SPSB4: variants seen among roughly 807,000 people sequenced by gnomAD.
SPSB4 encodes the protein SPRY domain-containing SOCS box protein 4.
Under a neutral mutation model 20.9 loss-of-function variants are expected in SPSB4, and 21 were observed. That is an observed-to-expected ratio of 1.01 (90% CI 0.71 to 1.45). The LOEUF is 1.45. Among genes scored for constraint, SPSB4 ranks in the 40% most tolerant of loss-of-function variants. SPSB4 has a pLI of 0.00. For synonymous variants in SPSB4, 207 were observed against 183.8 expected, an observed-to-expected ratio of 1.13 and a Z score of -1.02; for missense variants, 399 against 399.2, an observed-to-expected ratio of 1.00 and a Z score of 0.00.
At chr3:141,055,685 T>C (rs979506591) in intron 1 of SPSB4, among the ~76,000 whole-genome samples, 1 of 152,098 alleles carries the variant, frequency 6.6e-6, no homozygotes, top group African/African-American at 2.4e-5. Flanking sequence ...ACGGGATCCA[T>C]GGCAGGAACA....
chr3:141,068,036 G>A (rs1039716070), intron 2 of SPSB4, among the ~76,000 whole-genome samples: 4 of 152,196 alleles, frequency 2.6e-5, no homozygotes, highest in African/African-American at 7.2e-5. Context: ...ATGAGGGACT[G>A]AGAGTAACAC....
At chr3:141,095,193 C>T (rs1041489903) in intron 2 of SPSB4, among the ~76,000 whole-genome samples, 2 of 152,108 alleles carry the variant, frequency 1.3e-5, no homozygotes, top group Non-Finnish European at 2.9e-5. Context: ...CCTAGGTGTG[C>T]GGGTGATGCC....
intron 2 of SPSB4, among the ~76,000 whole-genome samples, chr3:141,076,143 C>T (rs1938105341): frequency 6.6e-6 from 1 of 152,226 alleles, no homozygotes; most frequent in South Asian, 2.1e-4. Flanking sequence ...TGGAAATGGC[C>T]CACTTCCCTG....
chr3:141,123,352 C>A (rs1939000463), intron 2 of SPSB4, among the ~76,000 whole-genome samples: 1 of 152,378 alleles, frequency 6.6e-6, no homozygotes, highest in East Asian at 1.9e-4. Flanking sequence ...TGAAAGGCAA[C>A]CACTCTCAGA....
chr3:141,109,626 A>G (rs1323981089), intron 2 of SPSB4, among the ~76,000 whole-genome samples: 2 of 151,936 alleles, frequency 1.3e-5, no homozygotes, highest in Admixed American at 6.6e-5. Flanking sequence ...TTCCACAGTA[A>G]TCTTTATCAT....
At position 141,148,269 on chromosome 3, in the gene SPSB4, A is replaced by G. The variant is rs371563087; in HGVS notation, c.*1000A>G. 1 of 152,556 alleles carries G rather than the reference A, an allele frequency of 6.6e-6. No homozygotes were observed. Among genetic ancestry groups the G allele is most frequent in the African/African-American group, 2.4e-5 (1 of 41,374 alleles). The allele number at this position is 152,556 out of a possible 1,614,324, so 9.5% of individuals were successfully genotyped here. A position where few individuals can be genotyped will look rare whatever the true frequency, so the allele number is the denominator to read the frequency against. ...CTTCTACAAGTTTGTTTCCTGTTTC[A>G]AATGTGTGTGTGATGTGCTGTTTAT... On this transcript the variant is annotated 3_prime_UTR_variant, in exon 3 of 3. Transcript: ENST00000310546. The surrounding 1 kb of genome is among the most constrained non-coding windows in gnomAD (Gnocchi z 4.5).
At position 141,137,792 on chromosome 3, in the gene SPSB4, T is replaced by G. The variant is rs887317115; in HGVS notation, c.695-9350T>G. Among the ~76,000 whole-genome samples, 6 of 152,232 alleles carry G rather than the reference T, an allele frequency of 3.9e-5. 1 individual carries two copies. Among genetic ancestry groups the G allele is most frequent in the African/African-American group, 1.4e-4 (6 of 41,466 alleles). ...GTTCATCAAGGATATTGGTCTAAAA[T>G]TCTCTTTTTTTGTGTGTCTCTGACA... On this transcript the variant is annotated intron_variant, in intron 2 of 2. Transcript: ENST00000310546.
chr3:141,092,963 C>T (rs916277207), intron 2 of SPSB4, among the ~76,000 whole-genome samples: 1 of 152,162 alleles, frequency 6.6e-6, no homozygotes, highest in African/African-American at 2.4e-5. Flanking sequence ...CTGCTTTCTC[C>T]CTCCCCAGGC....
intron 1 of SPSB4, among the ~76,000 whole-genome samples, chr3:141,055,287 T>C (rs1937618608): frequency 6.6e-6 from 1 of 152,088 alleles, no homozygotes. Flanking sequence ...TGCCCAGTTC[T>C]GCTTCTGCTA....
chr3:141,142,200 C>A (rs1939341824), intron 2 of SPSB4, among the ~76,000 whole-genome samples: 1 of 152,196 alleles, frequency 6.6e-6, no homozygotes, highest in Non-Finnish European at 1.5e-5. Flanking sequence ...TTCCTCTTAG[C>A]ACTGCTTTGA....
chr3:141,086,883 G>A (rs1406245810), intron 2 of SPSB4, among the ~76,000 whole-genome samples: 1 of 152,210 alleles, frequency 6.6e-6, no homozygotes, highest in Non-Finnish European at 1.5e-5. Flanking sequence ...ATAGAGGCTT[G>A]CCCAAGGTCA....
chr3:141,059,363 C>G (rs140930846), intron 1 of SPSB4, among the ~76,000 whole-genome samples: 1 of 152,094 alleles, frequency 6.6e-6, no homozygotes, highest in Non-Finnish European at 1.5e-5. Flanking sequence ...AGTTGGCTCA[C>G]GGTTCTGCAG....
At chr3:141,062,150 C>A (rs6793789) in intron 1 of SPSB4, among the ~76,000 whole-genome samples, 37,153 of 151,992 alleles carry the variant, frequency 0.24, 5,985 homozygotes, top group African/African-American at 0.45. Flanking sequence ...GTTCCGATGA[C>A]CTTGCCGGTT....
At position 141,120,010 on chromosome 3, in the gene SPSB4, G is replaced by T. The variant is rs373600226; in HGVS notation, c.695-27132G>T. 2.3e-4 allele frequency among the ~76,000 whole-genome samples: 35 copies of T among 152,220 alleles called. No homozygotes were observed. The East Asian group carries it at 4.0e-3, about 18-fold the overall frequency. ...TAGTTCTTTTCATTGTGATGTTAGG[G>T]TGTCGATTTTAGGTCTTTCCTGCTT... is the stretch of plus-strand genomic sequence containing the variant. On this transcript the variant is annotated intron_variant, in intron 2 of 2. Coordinates refer to ENST00000310546, the MANE Select transcript of SPSB4 (RefSeq NM_080862.3).
chr3:141,066,144 G>A lies in SPSB4; in HGVS notation c.40G>A (p.Val14Met), dbSNP rs1449516222. 1 of 1,532,798 alleles carries A rather than the reference G, an allele frequency of 6.5e-7. No individual in the cohort carries two copies. Among genetic ancestry groups the A allele is most frequent in the East Asian group, 2.5e-5 (1 of 39,370 alleles). The allele number at this position is 1,532,798 out of a possible 1,614,324, so 94.9% of individuals were successfully genotyped here. A position where few individuals can be genotyped will look rare whatever the true frequency, so the allele number is the denominator to read the frequency against. ...CTCGGGGAGCCTCAAGTCAGTGGAG[G>A]TGCGAGAGCCGGCGCTGCGGCCGGC... Reference protein sequence around the residue: ...KLSGSLKSVEVREPALRPAKR... With the variant: ...KLSGSLKSVEMREPALRPAKR... The change falls in exon 2 of 3, where the codon GTG (valine) becomes ATG (methionine). Residue 14 changes from valine (V) to methionine (M), a missense_variant. Physicochemically the swap from Val to Met is conservative, Grantham distance 21 (BLOSUM62 1). Transcript: ENST00000310546.
At chr3:141,125,396 T>C (rs1939036366) in intron 2 of SPSB4, among the ~76,000 whole-genome samples, 1 of 152,160 alleles carries the variant, frequency 6.6e-6, no homozygotes. Flanking sequence ...GTTGCAGTAA[T>C]ATTAGAGTCA....
intron 2 of SPSB4, among the ~76,000 whole-genome samples, chr3:141,078,843 C>T (rs1483125476): frequency 2.6e-5 from 4 of 152,182 alleles, no homozygotes; most frequent in African/African-American, 9.6e-5. Context: ...TCAAGTCCTC[C>T]CAGTCACTGC....
intron 2 of SPSB4, among the ~76,000 whole-genome samples, chr3:141,095,132 A>G (rs747251649): frequency 3.9e-5 from 6 of 152,098 alleles, no homozygotes; most frequent in Admixed American, 6.5e-5. Context: ...GAGGCAGGCC[A>G]GGGGTAGGGG....
intron 2 of SPSB4, among the ~76,000 whole-genome samples, chr3:141,146,398 AG>A (rs1939413039): frequency 6.6e-6 from 1 of 152,190 alleles, no homozygotes. Flanking sequence ...CTGTTTGTAG[AG>A]GAAACCCCTC....
Sources: allele counts gnomAD v4.1 joint callset (sites outside exome capture counted in the v4.1 genomes callset), GRCh38; gene constraint gnomAD v4.1.1; non-coding constraint Gnocchi (gnomAD v3.1); transcripts MANE v1.5; gene names NCBI Gene and HGNC (gene_info 2026-07-23, HGNC 2026-07-21).